The following RIPOR2 variants were observed in gnomAD, a reference collection of about 807,000 sequenced individuals.
RIPOR2 encodes RHO family interacting cell polarization regulator 2.
A neutral mutation model predicts 114.5 loss-of-function variants in RIPOR2; 39 were observed. The ratio of observed to expected loss-of-function variants is 0.34; its 90% CI spans 0.26 to 0.44. The LOEUF (loss-of-function observed/expected upper bound fraction) is 0.44. Among genes scored for constraint, RIPOR2 ranks in the 20% least tolerant of loss-of-function variants. The probability of loss-of-function intolerance (pLI) is 1.00; values close to 1 mark genes in which losing one functional copy is unlikely to be tolerated. For missense variants in RIPOR2, 1,007 were observed against 1,255.1 expected, an observed-to-expected ratio of 0.80 and a Z score of 2.99; for synonymous variants, 445 against 484.4, an observed-to-expected ratio of 0.92 and a Z score of 1.07.
At chr6:24,870,681 T>C (rs1765072411) in intron 5 of RIPOR2, among the ~76,000 whole-genome samples, 185 bp downstream of exon 5, 1 of 152,194 alleles carries the variant, frequency 6.6e-6, no homozygotes, top group South Asian at 2.1e-4. Flanking sequence ...TAATGTTTTG[T>C]ATTTCATTTT....
At chr6:24,984,995 C>T (rs1308020536) in intron 1 of RIPOR2, among the ~76,000 whole-genome samples, 2 of 152,234 alleles carry the variant, frequency 1.3e-5, no homozygotes, top group African/African-American at 4.8e-5. Flanking sequence ...GCCAAATCAA[C>T]TTAATGGATG....
chr6:24,910,109 G>T (rs1049623243), intron 1 of RIPOR2, among the ~76,000 whole-genome samples: 15 of 152,134 alleles, frequency 9.9e-5, no homozygotes, highest in Non-Finnish European at 2.1e-4. Context: ...CACATGCTCC[G>T]CTTGACCAGC....
intron 13 of RIPOR2, chr6:24,839,660 A>G (rs1254940178): frequency 6.5e-7 from 1 of 1,535,790 alleles, no homozygotes; most frequent in African/African-American, 1.4e-5. Context: ...AAACAAAACC[A>G]TGTCAACCAC....
At chr6:25,041,940 C>T (rs1284681827) in exon 1 of RIPOR2, 2 of 701,558 alleles carry the variant, frequency 2.9e-6, no homozygotes, top group Admixed American at 2.0e-5. Context: ...CCCAACAGAG[C>T]GGCCTAAAAC....
intron 19 of RIPOR2, among the ~76,000 whole-genome samples, chr6:24,824,154 G>A (rs546301376): frequency 6.6e-6 from 1 of 152,206 alleles, no homozygotes; most frequent in African/African-American, 2.4e-5. Context: ...ACACTCAGAT[G>A]CGTATATATC....
At chr6:24,853,918 C>T (rs1323051382) in intron 8 of RIPOR2, among the ~76,000 whole-genome samples, 1 of 151,646 alleles carries the variant, frequency 6.6e-6, no homozygotes, top group Non-Finnish European at 1.5e-5. Flanking sequence ...GAGTTCAAGA[C>T]AAGCCTGGGC....
At chr6:24,831,713 A>C (rs1400065889) in intron 16 of RIPOR2, among the ~76,000 whole-genome samples, 1 of 152,228 alleles carries the variant, frequency 6.6e-6, no homozygotes, top group Non-Finnish European at 1.5e-5. Context: ...GAAAACAGAC[A>C]TAAATTTTGG....
intron 1 of RIPOR2, among the ~76,000 whole-genome samples, chr6:24,994,432 C>T (rs1294191983): frequency 6.6e-6 from 1 of 152,162 alleles, no homozygotes; most frequent in Non-Finnish European, 1.5e-5. Context: ...ACACCATGTG[C>T]TAAGCCATGA....
At chr6:24,848,830 A>G (rs796826562) in intron 11 of RIPOR2, among the ~76,000 whole-genome samples, 1 of 152,228 alleles carries the variant, frequency 6.6e-6, no homozygotes, top group Non-Finnish European at 1.5e-5. Flanking sequence ...TGAGACCCTG[A>G]GCATGAATAC....
At chr6:24,971,062 T>C (rs1773769316) in intron 1 of RIPOR2, among the ~76,000 whole-genome samples, 2 of 152,214 alleles carry the variant, frequency 1.3e-5, no homozygotes, top group South Asian at 4.1e-4. Flanking sequence ...TTTTTATTAT[T>C]GTGGCAGTTG....
rs1761858219 is a variant in RIPOR2, at chr6:24,842,915, T to C, written c.1804A>G (p.Lys602Glu). 4 of 1,504,826 alleles carry C rather than the reference T, an allele frequency of 2.7e-6. No individual in the cohort carries two copies. 93.2% of individuals were successfully genotyped at this position (1,504,826 alleles called of 1,614,324 possible). A position where few individuals can be genotyped will look rare whatever the true frequency, so the allele number is the denominator to read the frequency against. ...LALEPHKEQY[K>E]EFQDLNQEVM... ...TCTTGGTTCAGATCCTGAAACTCTT[T>C]ATACTGCTCTTTATGTGGTTCTAAT... Residue 602 changes from lysine to glutamate, a missense_variant, in exon 13 of 22, where the codon AAA becomes GAA. Coordinates refer to ENST00000643898, the MANE Select transcript of RIPOR2 (RefSeq NM_001286445.3).
At chr6:24,850,097 C>CTTTT (rs5875008) in intron 10 of RIPOR2, 147 bp from the exon 11 acceptor site, 71 of 437,090 alleles carry the variant, frequency 1.6e-4, no homozygotes, top group South Asian at 3.1e-4. Flanking sequence ...TTTTCTTTTT[C>CTTTT]TTTTTTTTTT....
At chr6:24,895,901 G>A (rs1176373480) in intron 1 of RIPOR2, among the ~76,000 whole-genome samples, 1 of 152,230 alleles carries the variant, frequency 6.6e-6, no homozygotes, top group East Asian at 1.9e-4. Context: ...TGAGGCGGAA[G>A]AATGGCGTGA....
At chr6:25,027,586 C>T (rs1388270254) in intron 1 of RIPOR2, among the ~76,000 whole-genome samples, 1 of 152,264 alleles carries the variant, frequency 6.6e-6, no homozygotes. Flanking sequence ...TCCGAGCAGG[C>T]CCCTTGGGGG....
intron 19 of RIPOR2, among the ~76,000 whole-genome samples, chr6:24,823,512 ACT>A (rs1018871589): frequency 2.0e-5 from 3 of 152,052 alleles, no homozygotes; most frequent in African/African-American, 7.2e-5. Context: ...ACTACTGGAA[ACT>A]CTTCAAGGGT....
At chr6:24,847,585 A>G in intron 12 of RIPOR2, 7 of 1,551,726 alleles carry the variant, frequency 4.5e-6, no homozygotes, top group Non-Finnish European at 6.1e-6. Flanking sequence ...GAGGGAGGGC[A>G]GGTCACTGAA....
intron 8 of RIPOR2, among the ~76,000 whole-genome samples, chr6:24,857,198 T>C (rs1041673497): frequency 1.3e-5 from 2 of 152,192 alleles, no homozygotes; most frequent in Non-Finnish European, 1.5e-5. Flanking sequence ...TTACAGTCTG[T>C]CTTTGAGGCC....
intron 1 of RIPOR2, among the ~76,000 whole-genome samples, chr6:24,928,685 C>A (rs1035721165): frequency 1.3e-5 from 2 of 152,188 alleles, no homozygotes; most frequent in Admixed American, 1.3e-4. Context: ...AGAAAAGTAG[C>A]ACCATAACCT....
Position 24,843,051 on chromosome 6 carries a change from T to C in RIPOR2, c.1668A>G (p.Pro556=). 5 of 1,613,272 alleles carry C rather than the reference T, an allele frequency of 3.1e-6. No homozygotes were observed. Among genetic ancestry groups the C allele is most frequent in the Non-Finnish European group, 4.2e-6 (5 of 1,179,334 alleles). ...CAGAGAGCAGCCTGTCTGTGGCCAT[T>C]GGCACCTCTGCAGATGTGAGCCTCT... ...LVKRLTSAEV[P]MATDRLLSEG... is the part of the protein sequence containing the mutation. The change falls in exon 13 of 22, where the codon CCA becomes CCG. Residue 556 remains proline (P), a synonymous_variant. Coordinates refer to ENST00000643898, the MANE Select transcript of RIPOR2 (RefSeq NM_001286445.3).
Sources: gnomAD v4.1 joint callset for allele counts (sites outside exome capture counted in the v4.1 genomes callset) on GRCh38, gnomAD v4.1.1 for gene constraint, MANE v1.5 for transcripts, NCBI Gene and HGNC (gene_info 2026-07-23, HGNC 2026-07-21) for gene names.